Variants in KCNQ4 observed in about 807,000 individuals in gnomAD.
The protein encoded by KCNQ4 is potassium voltage-gated channel subfamily KQT member 4.
KCNQ4 carries 31 observed loss-of-function variants against 72.6 expected under a neutral mutation model. The ratio of observed to expected loss-of-function variants is 0.43; its 90% CI spans 0.32 to 0.58. The LOEUF is 0.58. Ranked by LOEUF, KCNQ4 falls within the 20% of genes least tolerant of loss-of-function variation. The probability of loss-of-function intolerance (pLI) is 0.08; values close to 1 mark genes in which losing one functional copy is unlikely to be tolerated. For synonymous variants in KCNQ4, 405 were observed against 403.7 expected (o/e 1.00, Z -0.04); for missense variants, 869 against 962.6 (o/e 0.90, Z 1.29).
In KCNQ4 at chr1:40,832,892, G is replaced by A. The variant is rs1461253055; in HGVS notation, c.1514-122G>A. The A allele has an allele frequency of 1.2e-5, 9 of 761,702 alleles. No homozygotes were observed. In the Admixed American group the frequency reaches 1.7e-4, roughly 14 times the overall value. The allele number at this position is 761,702 out of a possible 1,614,324, so 47.2% of individuals were successfully genotyped here. ...CACAGGAGCCCCAAGAAGGTTCTGAGCCCTTTCTGGGCCTCTGTCTTCCTA... is the reference window on the plus strand; with the variant it reads ...CACAGGAGCCCCAAGAAGGTTCTGAACCCTTTCTGGGCCTCTGTCTTCCTA... On this transcript the variant is annotated intron_variant, in intron 10 of 13. Coordinates refer to ENST00000347132, the MANE Select transcript of KCNQ4 (RefSeq NM_004700.4).
chr1:40,814,301 A>T (rs1185124263), intron 1 of KCNQ4, among the ~76,000 whole-genome samples: 1 of 150,154 alleles, frequency 6.7e-6, no homozygotes, highest in Non-Finnish European at 1.5e-5. Context: ...CTATCCACCC[A>T]CCTCGGCCTC....
chr1:40,812,513 T>G (rs1322627154), intron 1 of KCNQ4, among the ~76,000 whole-genome samples: 1 of 152,192 alleles, frequency 6.6e-6, no homozygotes, highest in Non-Finnish European at 1.5e-5. Flanking sequence ...TCCTCCCACC[T>G]TGGACTCCCA....
chr1:40,818,461 C>G, intron 3 of KCNQ4, 44 bp from the exon 4 acceptor site: 3 of 1,593,036 alleles, frequency 1.9e-6, no homozygotes, highest in Non-Finnish European at 2.5e-6. Flanking sequence ...CGGGTCCGTG[C>G]GCGGGGTAGG....
intron 1 of KCNQ4, among the ~76,000 whole-genome samples, chr1:40,810,518 G>A (rs992154621): frequency 2.2e-4 from 34 of 152,116 alleles, no homozygotes; most frequent in Admixed American, 7.9e-4. Context: ...GCCCAGAGAG[G>A]TCAGGTGACA....
rs1000705787 is a variant in KCNQ4, at chr1:40,819,389, T to C, written c.751T>C (p.Phe251Leu). The C allele has an allele frequency of 4.3e-6, 7 of 1,613,810 alleles. No homozygotes were observed. Among genetic ancestry groups the C allele is most frequent in the Non-Finnish European group, 5.9e-6 (7 of 1,179,970 alleles). The part of the protein sequence containing the change: ...AWYIGFLVLI[F>L]ASFLVYLAEK... ...GTACATCGGGTTCCTGGTGCTCATC[T>C]TCGCCTCCTTCCTGGTCTACCTGGC... The change falls in exon 5 of 14, where the codon TTC (phenylalanine) becomes CTC (leucine). Residue 251 changes from phenylalanine to leucine, a missense_variant. By Grantham distance (22) the Phe-to-Leu change is conservative (BLOSUM62 0). Coordinates refer to ENST00000347132, the MANE Select transcript of KCNQ4 (RefSeq NM_004700.4).
At chr1:40,801,097 G>T (rs191994706) in intron 1 of KCNQ4, among the ~76,000 whole-genome samples, 2 of 151,986 alleles carry the variant, frequency 1.3e-5, no homozygotes, top group East Asian at 3.9e-4. Flanking sequence ...TGAGGAAGAG[G>T]CATTCAGACT....
chr1:40,805,431 C>G (rs1264934545), intron 1 of KCNQ4, among the ~76,000 whole-genome samples: 2 of 152,208 alleles, frequency 1.3e-5, no homozygotes, highest in Non-Finnish European at 2.9e-5. Flanking sequence ...TCACCCCCCA[C>G]CACTCTCCCC....
chr1:40,829,781 C>T (rs1275034284), intron 9 of KCNQ4, among the ~76,000 whole-genome samples: 2 of 152,138 alleles, frequency 1.3e-5, no homozygotes, highest in African/African-American at 4.8e-5. Context: ...CCCCTGAACC[C>T]GAACCTGAAC....
Position 40,818,903 on chromosome 1 carries a change from G to C in KCNQ4, c.708+223G>C, listed in dbSNP as rs887474199. On this transcript the variant is annotated intron_variant, in intron 4 of 13. Transcript: ENST00000347132. ...CTAGGAGTCCGGACCGGATCAGGGG[G>C]CGGGGCCGGAGAGGCGGGGCTTGAG... The C allele has an allele frequency of 8.0e-6, 5 of 624,316 alleles. No homozygotes were observed. In the African/African-American group the frequency reaches 9.3e-5, roughly 12 times the overall value. 38.7% of individuals were successfully genotyped at this position (624,316 alleles called of 1,614,324 possible).
At chr1:40,837,247 C>T (rs1410818950) in intron 12 of KCNQ4, among the ~76,000 whole-genome samples, 2 of 152,118 alleles carry the variant, frequency 1.3e-5, no homozygotes, top group Non-Finnish European at 2.9e-5. Context: ...GCTACCATGT[C>T]CAGCTAATTT....
chr1:40,788,377 G>A lies in KCNQ4; in HGVS notation c.314+3970G>A, dbSNP rs1038581975. 6.6e-6 allele frequency among the ~76,000 whole-genome samples: 1 copy of A among 152,200 alleles called. No individual in the cohort carries two copies. ...TGCTCCTGCTTCCTTGTCCAGGACT[G>A]TTCGCTCCGTTCCTAGTGGCCACCG... On this transcript the variant is annotated intron_variant, in intron 1 of 13. Transcript: ENST00000347132. This position sits in a 1 kb window ranked among gnomAD's most constrained non-coding sequence, Gnocchi z 4.5.
intron 3 of KCNQ4, 76 bp downstream of exon 3, chr1:40,818,366 T>G: frequency 6.2e-7 from 1 of 1,601,856 alleles, no homozygotes; most frequent in Non-Finnish European, 8.5e-7. Flanking sequence ...CAATCCCGAC[T>G]CTGACCCTGG....
chr1:40,808,560 G>A (rs1419217258), intron 1 of KCNQ4, among the ~76,000 whole-genome samples: 1 of 151,892 alleles, frequency 6.6e-6, no homozygotes, highest in Non-Finnish European at 1.5e-5. Flanking sequence ...CTGAGAGTTG[G>A]GCCTTGCCTC....
rs10632610 is a variant in KCNQ4 at position 40,795,255 on chromosome 1, CT to C, written c.314+10866del. Among the ~76,000 whole-genome samples, 1,001 of 128,462 alleles carry C rather than the reference CT, an allele frequency of 7.8e-3. 10 individuals carry two copies. The highest frequency in any genetic ancestry group is 0.025 in the African/African-American group (867 of 34,676). The allele number at this position is 128,462 out of a possible 152,430, so 84.3% of individuals were successfully genotyped here. A position where few individuals can be genotyped will look rare whatever the true frequency, so the allele number is the denominator to read the frequency against. ...AACAGGGGGGTTGTGGTGGTTTTAC[CT>C]TTTTTTTTTTTTTTTTTCCTTTTGA... On this transcript the variant is annotated intron_variant, in intron 1 of 13. Coordinates refer to ENST00000347132, the MANE Select transcript of KCNQ4 (RefSeq NM_004700.4).
intron 1 of KCNQ4, among the ~76,000 whole-genome samples, chr1:40,816,225 C>T (rs1429017763): frequency 6.6e-6 from 1 of 152,126 alleles, no homozygotes; most frequent in Non-Finnish European, 1.5e-5. Flanking sequence ...GAAGCCTGTT[C>T]CCTCCGGAGT....
rs7521882 is a variant in KCNQ4 at position 40,832,981 on chromosome 1, G to C, written c.1514-33G>C. 8 of 1,512,260 alleles carry C rather than the reference G, an allele frequency of 5.3e-6. No homozygotes were observed. The East Asian group carries it at 9.0e-5, about 17-fold the overall frequency. The allele number at this position is 1,512,260 out of a possible 1,614,324, so 93.7% of individuals were successfully genotyped here. A position where few individuals can be genotyped will look rare whatever the true frequency, so the allele number is the denominator to read the frequency against. On this transcript the variant is annotated intron_variant, in intron 10 of 13. Transcript: ENST00000347132. ...ATGGGAGGTTGGGAGTGGCCCCTTTGGTGGGCCACTTGCCCCATACCTGCC... is the reference window on the plus strand; with the variant it reads ...ATGGGAGGTTGGGAGTGGCCCCTTTCGTGGGCCACTTGCCCCATACCTGCC...
In KCNQ4 at chr1:40,784,315, G is replaced by C. The variant is rs200001289; in HGVS notation, c.222G>C (p.Ser74=). 6.2e-7 allele frequency: 1 copy of C among 1,605,294 alleles called. No individual in the cohort carries two copies. The highest frequency in any genetic ancestry group is 1.1e-5 in the South Asian group (1 of 90,916). ...GCTCCGCCTGCGGCCAGCGCTCCTC[G>C]GCCGCGCACAAGCGCTACCGCCGCC... is the stretch of plus-strand genomic sequence containing the variant. ...GSGSACGQRS[S]AAHKRYRRLQ... The change falls in exon 1 of 14, where the codon TCG becomes TCC. Residue 74 remains serine (S), a synonymous_variant. Transcript: ENST00000347132. The surrounding 1 kb of genome is among the most constrained non-coding windows in gnomAD (Gnocchi z 4.1).
intron 8 of KCNQ4, among the ~76,000 whole-genome samples, chr1:40,823,347 G>A (rs1391316116): frequency 6.6e-6 from 1 of 152,142 alleles, no homozygotes; most frequent in African/African-American, 2.4e-5. Flanking sequence ...GATTAGAAGA[G>A]AGGCCTTTTG....
intron 12 of KCNQ4, among the ~76,000 whole-genome samples, chr1:40,835,624 T>G (rs1648787977): frequency 6.6e-6 from 1 of 152,170 alleles, no homozygotes; most frequent in Non-Finnish European, 1.5e-5. Flanking sequence ...TCAGTGGGCA[T>G]TTACTACTTG....
Sources: allele counts gnomAD v4.1 joint callset (sites outside exome capture counted in the v4.1 genomes callset), GRCh38; gene constraint gnomAD v4.1.1; non-coding constraint Gnocchi (gnomAD v3.1); transcripts MANE v1.5; gene names NCBI Gene and HGNC (gene_info 2026-07-23, HGNC 2026-07-21).